FAM184A: variants seen among roughly 807,000 people sequenced by gnomAD.
FAM184A encodes the protein family with sequence similarity 184 member A.
In FAM184A, 99 loss-of-function variants were observed where a neutral mutation model predicts 143.8. The ratio of observed to expected loss-of-function variants is 0.69; its 90% CI spans 0.58 to 0.81. The LOEUF is 0.81. FAM184A is among the 40% of genes least tolerant of loss of function. The pLI is 0.00. For synonymous variants in FAM184A, 427 were observed against 446.4 expected (o/e 0.96, Z 0.55); for missense variants, 1,217 against 1,310.5 (o/e 0.93, Z 1.10).
intron 9 of FAM184A, among the ~76,000 whole-genome samples, chr6:118,989,325 T>C (rs554601674): frequency 8.0e-4 from 122 of 152,188 alleles, no homozygotes; most frequent in East Asian, 6.9e-3. Context: ...CCTCCTAATA[T>C]GGGGGAAATG....
At chr6:119,010,582 C>G (rs1048493444) in intron 6 of FAM184A, among the ~76,000 whole-genome samples, 4 of 152,084 alleles carry the variant, frequency 2.6e-5, no homozygotes, top group African/African-American at 9.7e-5. Flanking sequence ...AAGACATGAA[C>G]TCTTCATTGG....
intron 14 of FAM184A, among the ~76,000 whole-genome samples, chr6:118,969,993 A>ATATATATATATATATATATAT (rs1189865476): frequency 1.2e-4 from 3 of 24,376 alleles, no homozygotes; most frequent in African/African-American, 1.4e-4. Flanking sequence ...ATATATATAT[A>ATATATATATATATATATATAT]ATATATATAT....
chr6:119,078,535 G>C lies in FAM184A; in HGVS notation c.-236C>G, dbSNP rs1787965446. The C allele has an allele frequency of 3.0e-6, 1 of 336,084 alleles. No homozygotes were observed. Among genetic ancestry groups the C allele is most frequent in the South Asian group, 1.5e-4 (1 of 6,632 alleles). 20.8% of individuals were successfully genotyped at this position (336,084 alleles called of 1,614,324 possible). A position where few individuals can be genotyped will look rare whatever the true frequency, so the allele number is the denominator to read the frequency against. On this transcript the variant is annotated 5_prime_UTR_variant, in exon 1 of 18. Transcript: ENST00000338891. This position sits in a 1 kb window ranked among gnomAD's most constrained non-coding sequence, Gnocchi z 5.5. ...ACAACGGCGCGGGGCAGATGCCCGG[G>C]GTTGGGCGGCGGCGGCCGGGGGCCG...
At chr6:118,991,674 G>A (rs181164554) in intron 9 of FAM184A, among the ~76,000 whole-genome samples, 1 of 150,998 alleles carries the variant, frequency 6.6e-6, no homozygotes, top group East Asian at 2.0e-4. Context: ...GGGCCAGCTG[G>A]CTTAAGGTTT....
intron 1 of FAM184A, among the ~76,000 whole-genome samples, chr6:119,076,028 T>C (rs558271680): frequency 1.3e-5 from 2 of 152,276 alleles, no homozygotes; most frequent in Non-Finnish European, 2.9e-5. Context: ...TGGTTCTTAA[T>C]TGGAATGATT....
chr6:118,987,647 A>T (rs1784234643), intron 9 of FAM184A, among the ~76,000 whole-genome samples: 1 of 152,168 alleles, frequency 6.6e-6, no homozygotes, highest in Non-Finnish European at 1.5e-5. Flanking sequence ...ATTCCCATAA[A>T]CCTTCATAAC....
chr6:119,016,468 G>A (rs966768804), intron 5 of FAM184A, among the ~76,000 whole-genome samples: 5 of 152,080 alleles, frequency 3.3e-5, no homozygotes, highest in South Asian at 2.1e-4. Context: ...AACTCCAGAC[G>A]CGCTACCTTA....
intron 1 of FAM184A, among the ~76,000 whole-genome samples, chr6:119,064,131 A>G (rs1787355704): frequency 3.9e-5 from 6 of 152,088 alleles, no homozygotes. Flanking sequence ...TTATCTTCAT[A>G]CATACCAATT....
At chr6:119,030,773 A>G (rs1012534863) in intron 1 of FAM184A, among the ~76,000 whole-genome samples, 4 of 151,338 alleles carry the variant, frequency 2.6e-5, no homozygotes, top group Non-Finnish European at 5.9e-5. Flanking sequence ...TTACAAATAG[A>G]AAAAAAAACT....
chr6:119,072,852 A>G (rs531815562), intron 1 of FAM184A, among the ~76,000 whole-genome samples: 13 of 147,288 alleles, frequency 8.8e-5, no homozygotes, highest in Admixed American at 7.3e-4. Flanking sequence ...CTCAGCTGAA[A>G]TGATCTATCA....
chr6:119,101,758 TAAAG>T (rs1788643012), intron 1 of FAM184A, among the ~76,000 whole-genome samples: 1 of 151,970 alleles, frequency 6.6e-6, no homozygotes, highest in African/African-American at 2.4e-5. Flanking sequence ...CACAAAAAAT[TAAAG>T]AATAAAGGAT....
chr6:119,103,112 A>T (rs1788687198), intron 1 of FAM184A, among the ~76,000 whole-genome samples: 1 of 152,156 alleles, frequency 6.6e-6, no homozygotes. Flanking sequence ...TGGTTCAGGG[A>T]CCTGGTTCTT....
At chr6:119,070,382 C>T (rs1295814341) in intron 1 of FAM184A, among the ~76,000 whole-genome samples, 1 of 152,072 alleles carries the variant, frequency 6.6e-6, no homozygotes. Flanking sequence ...TACCAAAATA[C>T]AACTGGCAAT....
intron 1 of FAM184A, among the ~76,000 whole-genome samples, chr6:119,055,365 A>G (rs1238837098): frequency 3.3e-5 from 5 of 152,118 alleles, no homozygotes; most frequent in East Asian, 3.8e-4. Context: ...TCGTTTGTAT[A>G]TAAGTTTTTG....
intron 1 of FAM184A, among the ~76,000 whole-genome samples, chr6:119,077,862 G>T (rs1279483788): frequency 6.6e-6 from 1 of 152,244 alleles, no homozygotes; most frequent in Non-Finnish European, 1.5e-5. Context: ...TGAAATAAAG[G>T]AACTAAATCC....
chr6:119,098,922 C>A (rs1298510444), intron 1 of FAM184A, among the ~76,000 whole-genome samples: 1 of 152,208 alleles, frequency 6.6e-6, no homozygotes, highest in South Asian at 2.1e-4. Context: ...CCGGCCTGAC[C>A]AATATGATGA....
intron 1 of FAM184A, 74 bp from the exon 2 acceptor site, chr6:119,024,887 A>C: frequency 7.6e-7 from 1 of 1,317,182 alleles, no homozygotes; most frequent in South Asian, 1.5e-5. Flanking sequence ...CAATTCTTTC[A>C]TTTGGATTGA....
chr6:119,134,283 C>G lies in FAM184A; in HGVS notation c.-202+14795G>C, dbSNP rs187179959. On this transcript the variant is annotated intron_variant, in intron 1 of 16. Coordinates refer to the FAM184A transcript ENST00000352896. ...TCTATAATCTTAGGAAAATGTCAAC[C>G]TCATTGGTTATCAGGGAAATGCAAA... is the stretch of plus-strand genomic sequence containing the variant. 9.2e-5 allele frequency among the ~76,000 whole-genome samples: 14 copies of G among 152,126 alleles called. No homozygotes were observed. In the East Asian group the frequency reaches 2.5e-3, roughly 27 times the overall value.
chr6:119,006,153 A>G, intron 7 of FAM184A: 1 of 765,242 alleles, frequency 1.3e-6, no homozygotes. Context: ...GCCGAATGCC[A>G]AGAATGCCTG....
Sources: gnomAD v4.1 joint callset for allele counts (sites outside exome capture counted in the v4.1 genomes callset) on GRCh38, gnomAD v4.1.1 for gene constraint, Gnocchi (gnomAD v3.1) non-coding constraint, MANE v1.5 for transcripts, NCBI Gene and HGNC (gene_info 2026-07-23, HGNC 2026-07-21) for gene names.